SPOCK3: variants seen among roughly 807,000 people sequenced by gnomAD.
SPOCK3 encodes the protein SPARC (osteonectin), cwcv and kazal like domains proteoglycan 3.
A neutral mutation model predicts 56.6 loss-of-function variants in SPOCK3; 30 were observed. The observed-to-expected ratio is 0.53, with a 90% CI of 0.40 to 0.72. SPOCK3 has a LOEUF of 0.72. Ranked by LOEUF, SPOCK3 falls within the 30% of genes least tolerant of loss-of-function variation. SPOCK3 has a pLI of 0.00. For synonymous variants in SPOCK3, 196 were observed against 183.3 expected, an observed-to-expected ratio of 1.07 and a Z score of -0.56; for missense variants, 527 against 530.0, an observed-to-expected ratio of 0.99 and a Z score of 0.06.
At chr4:166,741,256 A>G (rs1734813665) in intron 9 of SPOCK3, among the ~76,000 whole-genome samples, 1 of 152,204 alleles carries the variant, frequency 6.6e-6, no homozygotes, top group Non-Finnish European at 1.5e-5. Context: ...GATTATAGCA[A>G]TGCTAATTTC....
chr4:167,205,355 T>C (rs1406841851), intron 2 of SPOCK3, among the ~76,000 whole-genome samples: 1 of 38,992 alleles, frequency 2.6e-5, no homozygotes, highest in African/African-American at 1.4e-4. Flanking sequence ...ATATATAATA[T>C]ATATATTATA....
rs756951898 is a variant in SPOCK3, at chr4:166,734,963, C to A, written c.1260G>T (p.Gly420=). Reference sequence around the variant, plus strand: ...GGTCATCACCACCATCATCATCATCCCCTTCATCTTCATCATCATCTTCAA... The same window carrying A: ...GGTCATCACCACCATCATCATCATCACCTTCATCTTCATCATCATCTTCAA... ...DEIEDDDEDE[G]DDDDGGDDHD... is the part of the protein sequence containing the mutation. Residue 420 remains glycine (G), a synonymous_variant, in exon 11 of 11, where the codon GGG becomes GGT. Coordinates refer to ENST00000357545, the MANE Select transcript of SPOCK3 (RefSeq NM_001040159.2). 6.6e-7 allele frequency: 1 copy of A among 1,517,956 alleles called. No homozygotes were observed. Among genetic ancestry groups the A allele is most frequent in the South Asian group, 1.1e-5 (1 of 88,076 alleles). 94.0% of individuals were successfully genotyped at this position (1,517,956 alleles called of 1,614,324 possible).
Position 166,734,138 on chromosome 4 carries a change from A to C in SPOCK3, c.*783T>G, listed in dbSNP as rs1306184906. 6 of 151,916 alleles carry C rather than the reference A, an allele frequency of 3.9e-5. No homozygotes were observed. Among genetic ancestry groups the C allele is most frequent in the Non-Finnish European group, 7.4e-5 (5 of 67,836 alleles). 9.4% of individuals were successfully genotyped at this position (151,916 alleles called of 1,614,324 possible). Reference sequence around the variant, plus strand: ...CTTTCCCTTTGTCTTCCTAATTTAAATTCTGCTCCCTAAGTTGCTGGTCAG... The same window carrying C: ...CTTTCCCTTTGTCTTCCTAATTTAACTTCTGCTCCCTAAGTTGCTGGTCAG... On this transcript the variant is annotated 3_prime_UTR_variant, in exon 11 of 11. Transcript: ENST00000357545.
chr4:167,038,663 CAAAAAAAAAAAA>C (rs558863795), intron 3 of SPOCK3, among the ~76,000 whole-genome samples: 2 of 107,990 alleles, frequency 1.9e-5, no homozygotes, highest in East Asian at 3.3e-4. Flanking sequence ...TTATTTTTTC[CAAAAAAAAAAAA>C]AAAAAAAAAA....
chr4:167,165,596 C>T (rs1005544154), intron 2 of SPOCK3, among the ~76,000 whole-genome samples: 8 of 152,058 alleles, frequency 5.3e-5, no homozygotes, highest in Non-Finnish European at 1.0e-4. Context: ...TAACCTCTTT[C>T]AATGTTAAAT....
At chr4:166,852,626 T>C (rs1730244163) in intron 6 of SPOCK3, among the ~76,000 whole-genome samples, 1 of 152,202 alleles carries the variant, frequency 6.6e-6, no homozygotes, top group Non-Finnish European at 1.5e-5. Flanking sequence ...TCTTGTTCTT[T>C]CCTTCCTCAA....
At chr4:167,122,462 T>C (rs1761949675) in intron 2 of SPOCK3, among the ~76,000 whole-genome samples, 1 of 152,196 alleles carries the variant, frequency 6.6e-6, no homozygotes, top group African/African-American at 2.4e-5. Flanking sequence ...CACTATGCAA[T>C]AAAAATTGTA....
At chr4:166,855,871 C>A (rs566483814) in intron 6 of SPOCK3, among the ~76,000 whole-genome samples, 2 of 152,108 alleles carry the variant, frequency 1.3e-5, no homozygotes, top group Admixed American at 6.5e-5. Flanking sequence ...ATCTGGGGAA[C>A]ACATTTTGAC....
intron 6 of SPOCK3, among the ~76,000 whole-genome samples, chr4:166,795,386 GA>G (rs1423629897): frequency 2.8e-4 from 43 of 152,144 alleles, no homozygotes; most frequent in African/African-American, 9.4e-4. Context: ...AATTGATGGA[GA>G]GATTTCAGGA....
chr4:167,170,833 G>A (rs527942410), intron 2 of SPOCK3, among the ~76,000 whole-genome samples: 34 of 152,278 alleles, frequency 2.2e-4, no homozygotes, highest in Middle Eastern at 3.4e-3. Flanking sequence ...AGAAGAGTCA[G>A]AGTTCAAGTG....
intron 4 of SPOCK3, among the ~76,000 whole-genome samples, chr4:166,963,485 T>C (rs1420843340): frequency 2.7e-5 from 4 of 150,894 alleles, no homozygotes; most frequent in African/African-American, 7.4e-5. Flanking sequence ...ATATATTCAA[T>C]GATTTAGTGT....
chr4:167,051,685 G>A (rs1207313352), intron 3 of SPOCK3, among the ~76,000 whole-genome samples: 2 of 152,170 alleles, frequency 1.3e-5, no homozygotes, highest in Non-Finnish European at 2.9e-5. Context: ...CTTTTCACAA[G>A]CCGACCCTGA....
chr4:167,082,353 G>A (rs954539593), intron 2 of SPOCK3, among the ~76,000 whole-genome samples: 5 of 152,062 alleles, frequency 3.3e-5, no homozygotes, highest in African/African-American at 1.2e-4. Context: ...TGCCCAATAT[G>A]ACCAGAAGAT....
intron 4 of SPOCK3, among the ~76,000 whole-genome samples, chr4:166,984,517 T>G (rs1279035708): frequency 1.3e-5 from 2 of 152,130 alleles, no homozygotes; most frequent in Non-Finnish European, 2.9e-5. Context: ...GTTGTATTGT[T>G]TGTTGATATG....
intron 2 of SPOCK3, among the ~76,000 whole-genome samples, chr4:167,087,639 GCTAT>G (rs1758319900): frequency 6.6e-6 from 1 of 152,086 alleles, no homozygotes; most frequent in African/African-American, 2.4e-5. Context: ...GTGAGTACAT[GCTAT>G]CTGAGATTGC....
intron 2 of SPOCK3, among the ~76,000 whole-genome samples, chr4:167,224,579 C>T (rs1489857120): frequency 6.6e-6 from 1 of 152,024 alleles, no homozygotes; most frequent in Non-Finnish European, 1.5e-5. Context: ...ATTTCCTAAT[C>T]AACAGTAAAC....
In SPOCK3 at chr4:166,738,487, A is replaced by G. The variant is rs1360241885; in HGVS notation, c.995-883T>C. ...TTTTTTCTTTTTTTATTATTATTAT[A>G]CTTGAAGTTTTAGGGTACACGTGCA... On this transcript the variant is annotated intron_variant, in intron 9 of 10. Coordinates refer to ENST00000357545, the MANE Select transcript of SPOCK3 (RefSeq NM_001040159.2). Among the ~76,000 whole-genome samples the G allele has an allele frequency of 2.0e-5, 3 of 150,148 alleles. No individual in the cohort carries two copies. The Admixed American group carries it at 2.0e-4, about 10-fold the overall frequency.
At chr4:166,886,784 C>T (rs760057927) in intron 6 of SPOCK3, among the ~76,000 whole-genome samples, 17 of 152,170 alleles carry the variant, frequency 1.1e-4, no homozygotes, top group Non-Finnish European at 1.6e-4. Context: ...CTGCACTGCA[C>T]AGTCTACCTA....
chr4:167,015,530 C>G (rs1196190811), intron 3 of SPOCK3, among the ~76,000 whole-genome samples: 2 of 152,094 alleles, frequency 1.3e-5, no homozygotes, highest in Non-Finnish European at 2.9e-5. Flanking sequence ...GCTGCAATTG[C>G]AAGAATAATA....
Sources: gnomAD v4.1 joint callset for allele counts (sites outside exome capture counted in the v4.1 genomes callset) on GRCh38, gnomAD v4.1.1 for gene constraint, MANE v1.5 for transcripts, NCBI Gene and HGNC (gene_info 2026-07-23, HGNC 2026-07-21) for gene names.